Variants in RSRP1 observed in about 807,000 individuals in gnomAD.
RSRP1 encodes the protein arginine and serine rich protein 1.
In RSRP1, 37 loss-of-function variants were observed where a neutral mutation model predicts 33.0. The observed-to-expected ratio is 1.12, with a 90% CI of 0.86 to 1.48. The LOEUF is 1.48. Ranked by LOEUF, RSRP1 falls within the 40% of genes most tolerant of loss-of-function variation. The pLI is 0.00. For missense variants in RSRP1, 402 were observed against 385.3 expected (o/e 1.04, Z -0.36); for synonymous variants, 167 against 158.7 (o/e 1.05, Z -0.40).
chr1:25,292,576 G>A lies in RSRP1; in HGVS notation c.-67+45402C>T, dbSNP rs954584308. 4.6e-5 allele frequency among the ~76,000 whole-genome samples: 6 copies of A among 130,690 alleles called. 2 individuals carry two copies. Among genetic ancestry groups the A allele is most frequent in the Non-Finnish European group, 7.2e-5 (4 of 55,214 alleles). 85.7% of individuals were successfully genotyped at this position (130,690 alleles called of 152,430 possible). On this transcript the variant is annotated intron_variant, in intron 1 of 1. Coordinates refer to the RSRP1 transcript ENST00000561867. The stretch of plus-strand genomic sequence containing the variant: ...GGTGCCATTTACTGAGATGGGGAAT[G>A]TTGGGGTGGGATAGATCTGGGAGGG...
Position 25,246,719 on chromosome 1 carries a change from G to A in RSRP1, c.245C>T (p.Ser82Leu), listed in dbSNP as rs766249759. 4.2e-5 allele frequency: 68 copies of A among 1,607,460 alleles called. No individual in the cohort carries two copies. The highest frequency in any genetic ancestry group is 4.8e-5 in the Non-Finnish European group (57 of 1,175,334). The change falls in exon 2 of 5, where the codon TCG becomes TTG. Residue 82 changes from serine (S) to leucine (L), a missense_variant. Physicochemically the swap from Ser to Leu is moderately radical, Grantham distance 145. Coordinates refer to ENST00000243189, the MANE Select transcript of RSRP1 (RefSeq NM_020317.5). ...GCTGCGGGATCGCGACCGGCTCCGC[G>A]AGTATGACCGCGAGTAGCGCCTGTA... ...RKYRRYSRSY[S>L]RSRSRSRSRR...
At chr1:25,307,565 A>ATCTCC (rs1456249756) in intron 1 of RSRP1, 2 of 615,666 alleles carry the variant, frequency 3.2e-6, no homozygotes, top group Admixed American at 4.8e-5. Context: ...TATATGCATT[A>ATCTCC]TCTCCTTGAA....
chr1:25,259,228 G>A (rs1461569850), intron 1 of RSRP1, among the ~76,000 whole-genome samples: 1 of 151,896 alleles, frequency 6.6e-6, no homozygotes, highest in African/African-American at 2.4e-5. Context: ...GAAGTAGCTG[G>A]GAATTACAGG....
chr1:25,282,827 G>T lies in RSRP1; in HGVS notation c.-66-35798C>A, dbSNP rs1178870683. On this transcript the variant is annotated intron_variant, in intron 1 of 1. Transcript: ENST00000561867. Reference sequence around the variant, plus strand: ...CAAGAATCACTTGAACCCGGGAGGTGGAGGTTGCAGCGAGCCGAGATCGCA... The same window carrying T: ...CAAGAATCACTTGAACCCGGGAGGTTGAGGTTGCAGCGAGCCGAGATCGCA... Among the ~76,000 whole-genome samples, 3 of 129,870 alleles carry T rather than the reference G, an allele frequency of 2.3e-5. 1 individual carries two copies. Among genetic ancestry groups the T allele is most frequent in the Non-Finnish European group, 5.5e-5 (3 of 54,832 alleles). The allele number at this position is 129,870 out of a possible 152,430, so 85.2% of individuals were successfully genotyped here. A position where few individuals can be genotyped will look rare whatever the true frequency, so the allele number is the denominator to read the frequency against.
intron 1 of RSRP1, chr1:25,337,614 GGCT>G (rs1645105637): frequency 7.2e-6 from 1 of 139,676 alleles, no homozygotes; most frequent in Non-Finnish European, 1.6e-5. Context: ...GGTTCACTGG[GGCT>G]GCTACTTGCA....
intron 1 of RSRP1, among the ~76,000 whole-genome samples, chr1:25,275,965 G>C (rs1640925408): frequency 7.5e-6 from 1 of 132,472 alleles, no homozygotes; most frequent in Admixed American, 7.4e-5. Flanking sequence ...AGTTGGTTAA[G>C]CCATTACTTC....
rs572010630 is a variant in RSRP1 at position 25,307,868 on chromosome 1, C to T, written c.-67+30110G>A. 2.1e-5 allele frequency: 27 copies of T among 1,281,750 alleles called. 3 individuals are homozygous for T. The highest frequency in any genetic ancestry group is 8.9e-5 in the African/African-American group (6 of 67,694). 79.4% of individuals were successfully genotyped at this position (1,281,750 alleles called of 1,614,324 possible). The stretch of plus-strand genomic sequence containing the variant: ...AGGGGATGAGCTGTGTGAAGCAAGG[C>T]GCCTCTGTGATGGGTTCCAGTGATG... On this transcript the variant is annotated intron_variant, in intron 1 of 1. Coordinates refer to the RSRP1 transcript ENST00000561867.
At chr1:25,270,707 T>C (rs1640473614) in intron 1 of RSRP1, among the ~76,000 whole-genome samples, 1 of 132,572 alleles carries the variant, frequency 7.5e-6, no homozygotes, top group Non-Finnish European at 1.8e-5. Flanking sequence ...CCAGCTCTAC[T>C]GCTTACTAGC....
chr1:25,252,438 G>A (rs561233753), upstream of RSRP1, among the ~76,000 whole-genome samples: 20 of 152,148 alleles, frequency 1.3e-4, no homozygotes, highest in South Asian at 1.0e-3. Flanking sequence ...TCACCAGACC[G>A]GGAAGCAACA....
chr1:25,264,336 G>T (rs549107114), intron 1 of RSRP1, among the ~76,000 whole-genome samples: 7 of 151,904 alleles, frequency 4.6e-5, no homozygotes, highest in Admixed American at 4.6e-4. Context: ...AGGCATTTCC[G>T]CACATCCTCT....
At chr1:25,270,449 C>T (rs1459422535) in intron 1 of RSRP1, among the ~76,000 whole-genome samples, 1 of 131,202 alleles carries the variant, frequency 7.6e-6, no homozygotes, top group Non-Finnish European at 1.8e-5. Flanking sequence ...GGCACAAACC[C>T]TATTGGGAAC....
At chr1:25,244,924 T>C in intron 3 of RSRP1, 9 of 1,379,722 alleles carry the variant, frequency 6.5e-6, no homozygotes, top group East Asian at 2.8e-5. Flanking sequence ...ACTCAAGCCA[T>C]CTGCCTCATT....
intron 1 of RSRP1, among the ~76,000 whole-genome samples, chr1:25,282,951 A>C (rs1641629931): frequency 7.5e-6 from 1 of 132,522 alleles, no homozygotes; most frequent in South Asian, 2.3e-4. Context: ...AAACTAAAAA[A>C]GTAAAACACC....
intron 1 of RSRP1, chr1:25,253,368 GTTTT>G (rs938325026): frequency 6.6e-6 from 1 of 152,546 alleles, no homozygotes; most frequent in Non-Finnish European, 1.5e-5. Flanking sequence ...CCATTGTTTT[GTTTT>G]TTTGTTTGTT....
At chr1:25,277,264 A>G (rs1224271678) in intron 1 of RSRP1, among the ~76,000 whole-genome samples, 1 of 130,094 alleles carries the variant, frequency 7.7e-6, no homozygotes, top group Non-Finnish European at 1.8e-5. Flanking sequence ...TGAATATTAA[A>G]TATTTGCAGA....
rs746772570 is a variant in RSRP1 at position 25,245,278 on chromosome 1, C to T, written c.544G>A (p.Ala182Thr). 1.2e-6 allele frequency: 2 copies of T among 1,613,394 alleles called. No individual in the cohort carries two copies. The highest frequency in any genetic ancestry group is 2.2e-5 in the East Asian group (1 of 44,860). Residue 182 changes from alanine to threonine, a missense_variant, in exon 3 of 5, where the codon GCA becomes ACA. Physicochemically the swap from Ala to Thr is moderately conservative, Grantham distance 58 (BLOSUM62 0). Transcript: ENST00000243189. ...AGAGCTTTCGCTGCATTGGTTTTTGCTATTTCTAACAGCTCCATTCGATCT... is the reference window on the plus strand; with the variant it reads ...AGAGCTTTCGCTGCATTGGTTTTTGTTATTTCTAACAGCTCCATTCGATCT... ...EKDRMELLEI[A>T]KTNAAKALGT...
intron 1 of RSRP1, among the ~76,000 whole-genome samples, chr1:25,276,524 C>CCCCCG (rs1447515130): frequency 1.8e-5 from 1 of 56,922 alleles, no homozygotes; most frequent in African/African-American, 7.5e-5. Flanking sequence ...GAGACCCCCC[C>CCCCCG]CCATCTCTAA....
At chr1:25,243,979 C>T (rs558368511) in intron 3 of RSRP1, 21 of 1,153,930 alleles carry the variant, frequency 1.8e-5, no homozygotes, top group Admixed American at 4.4e-5. Context: ...GGCACCTAAT[C>T]GTCTGAACAA....
At chr1:25,269,807 G>A (rs1433943467) in intron 1 of RSRP1, among the ~76,000 whole-genome samples, 3 of 132,408 alleles carry the variant, frequency 2.3e-5, no homozygotes, top group Non-Finnish European at 5.4e-5. Context: ...TGCGAGGAGC[G>A]GGATCCTCTT....
Sources: gnomAD v4.1 joint callset for allele counts (sites outside exome capture counted in the v4.1 genomes callset) on GRCh38, gnomAD v4.1.1 for gene constraint, MANE v1.5 for transcripts, NCBI Gene and HGNC (gene_info 2026-07-23, HGNC 2026-07-21) for gene names.